Variants in MTSS1 observed in about 807,000 individuals in gnomAD.
MTSS1 encodes protein MTSS 1.
A neutral mutation model predicts 79.0 loss-of-function variants in MTSS1; 18 were observed. The ratio of observed to expected loss-of-function variants is 0.23; its 90% CI spans 0.16 to 0.34. MTSS1 has a LOEUF of 0.34. MTSS1 is among the 10% of genes least tolerant of loss of function. The pLI is 1.00. For synonymous variants in MTSS1, 341 were observed against 368.6 expected, an observed-to-expected ratio of 0.93 and a Z score of 0.86; for missense variants, 815 against 986.2, an observed-to-expected ratio of 0.83 and a Z score of 2.33.
chr8:124,634,428 G>A (rs1003545119), intron 3 of MTSS1, among the ~76,000 whole-genome samples: 15 of 152,026 alleles, frequency 9.9e-5, no homozygotes, highest in African/African-American at 1.9e-4. Flanking sequence ...GATTATGGGC[G>A]TGAGCTGCCC....
intron 2 of MTSS1, among the ~76,000 whole-genome samples, chr8:124,700,962 C>T (rs573553215): frequency 1.3e-5 from 2 of 152,306 alleles, no homozygotes; most frequent in East Asian, 3.9e-4. Flanking sequence ...GCTGTAGTGG[C>T]TCATCCTGTA....
chr8:124,632,774 T>G (rs1168792002), intron 3 of MTSS1, among the ~76,000 whole-genome samples: 1 of 152,230 alleles, frequency 6.6e-6, no homozygotes. Flanking sequence ...TTCAAGCGAT[T>G]CTTCTGCCTC....
chr8:124,557,703 G>T lies in MTSS1; in HGVS notation c.1208C>A (p.Ser403Ter), dbSNP rs1824227352. Residue 403 changes from serine to a stop codon, truncating the protein, a stop_gained, in exon 11 of 14, where the codon TCA becomes TAA. Coordinates refer to ENST00000518547, the MANE Select transcript of MTSS1 (RefSeq NM_014751.6). LOFTEE classifies it high-confidence loss of function. Reference sequence around the variant, plus strand: ...AACCTTCCAGCTAGGGATCTGAGATGACGGGAACATGCCGGGCCCAATGGT... The same window carrying T: ...AACCTTCCAGCTAGGGATCTGAGATTACGGGAACATGCCGGGCCCAATGGT... The part of the protein sequence containing the change: ...YYTIGPGMFP[S>*]SQIPSWKDWA... 1 of 1,586,778 alleles carries T rather than the reference G, an allele frequency of 6.3e-7. No homozygotes were observed. Among genetic ancestry groups the T allele is most frequent in the Non-Finnish European group, 8.6e-7 (1 of 1,166,362 alleles).
rs199611609 is a variant in MTSS1, at chr8:124,606,164, GTT to G, written c.209-14931_209-14930del. Among the ~76,000 whole-genome samples, 662 of 106,054 alleles carry G rather than the reference GTT, an allele frequency of 6.2e-3. 10 individuals are homozygous for G. Among genetic ancestry groups the G allele is most frequent in the African/African-American group, 0.028 (630 of 22,680 alleles). 69.6% of individuals were successfully genotyped at this position (106,054 alleles called of 152,430 possible). A position where few individuals can be genotyped will look rare whatever the true frequency, so the allele number is the denominator to read the frequency against. ...CTAATTTTTGTGTTTTCTGTGTTTG[GTT>G]TTTTGTTTTTTTTTTTTTTTTTTGA... is the stretch of plus-strand genomic sequence containing the variant. On this transcript the variant is annotated intron_variant, in intron 3 of 13. Coordinates refer to ENST00000518547, the MANE Select transcript of MTSS1 (RefSeq NM_014751.6).
intron 3 of MTSS1, chr8:124,619,470 T>C (rs1368932249): frequency 6.6e-6 from 1 of 152,410 alleles, no homozygotes; most frequent in Non-Finnish European, 1.5e-5. Flanking sequence ...TTGTCTCCTC[T>C]GCCAAGACTA....
At chr8:124,645,796 T>C (rs1818900559) in intron 3 of MTSS1, among the ~76,000 whole-genome samples, 2 of 152,192 alleles carry the variant, frequency 1.3e-5, no homozygotes, top group Admixed American at 6.5e-5. Flanking sequence ...TTAATGAAAG[T>C]ATTTGCCCAT....
intron 3 of MTSS1, among the ~76,000 whole-genome samples, chr8:124,617,363 A>T (rs572645306): frequency 4.6e-5 from 7 of 152,156 alleles, no homozygotes; most frequent in Non-Finnish European, 8.8e-5. Flanking sequence ...CCGCGAGCAG[A>T]CGTGGTGGCC....
intron 3 of MTSS1, among the ~76,000 whole-genome samples, chr8:124,630,957 T>C (rs1815811076): frequency 2.0e-5 from 3 of 152,198 alleles, no homozygotes; most frequent in Admixed American, 1.3e-4. Flanking sequence ...CCTACCAGCA[T>C]GTTCCTAAAT....
chr8:124,563,437 C>G (rs1276682364), intron 9 of MTSS1: 1 of 203,944 alleles, frequency 4.9e-6, no homozygotes, highest in African/African-American at 2.4e-5. Context: ...TTCAGCATGA[C>G]TGGAATGTTC....
intron 3 of MTSS1, among the ~76,000 whole-genome samples, chr8:124,639,680 T>C (rs1367989912): frequency 2.0e-5 from 3 of 152,176 alleles, no homozygotes; most frequent in Non-Finnish European, 4.4e-5. Flanking sequence ...CCCAGGCTGG[T>C]TTTGAACTCC....
intron 6 of MTSS1, among the ~76,000 whole-genome samples, chr8:124,579,077 T>G (rs1829544678): frequency 2.0e-5 from 3 of 152,206 alleles, no homozygotes; most frequent in Admixed American, 2.0e-4. Flanking sequence ...CTTTGAAAGA[T>G]AAGCAGAATC....
At chr8:124,723,745 T>C (rs1206148315) in intron 1 of MTSS1, among the ~76,000 whole-genome samples, 2 of 152,146 alleles carry the variant, frequency 1.3e-5, no homozygotes, top group Admixed American at 1.3e-4. Context: ...ATACAACCAT[T>C]TGCTAAGAGA....
intron 3 of MTSS1, among the ~76,000 whole-genome samples, chr8:124,653,289 C>G (rs1328453350): frequency 6.6e-6 from 1 of 152,176 alleles, no homozygotes; most frequent in Non-Finnish European, 1.5e-5. Context: ...AAAGTTATGC[C>G]TAAATGCAGT....
chr8:124,636,002 AAT>A (rs1816908876), intron 3 of MTSS1, among the ~76,000 whole-genome samples: 1 of 152,136 alleles, frequency 6.6e-6, no homozygotes, highest in Non-Finnish European at 1.5e-5. Context: ...CAGGAAAACC[AAT>A]ACATTCACAC....
At chr8:124,677,668 T>C (rs1342787711) in intron 3 of MTSS1, among the ~76,000 whole-genome samples, 2 of 152,206 alleles carry the variant, frequency 1.3e-5, no homozygotes, top group African/African-American at 4.8e-5. Flanking sequence ...TTTTAGGATA[T>C]GGTGTATCTG....
chr8:124,618,230 T>G (rs1563870765), intron 3 of MTSS1, among the ~76,000 whole-genome samples: 1 of 152,198 alleles, frequency 6.6e-6, no homozygotes, highest in Non-Finnish European at 1.5e-5. Context: ...TCTCTTAGGC[T>G]GCTGCTGCCC....
chr8:124,636,308 T>C (rs1816983979), intron 3 of MTSS1, among the ~76,000 whole-genome samples: 1 of 152,122 alleles, frequency 6.6e-6, no homozygotes, highest in Non-Finnish European at 1.5e-5. Flanking sequence ...TTTTTGTATT[T>C]TTAGTTGAGA....
intron 3 of MTSS1, among the ~76,000 whole-genome samples, chr8:124,627,674 G>A (rs894636899): frequency 1.4e-5 from 2 of 143,716 alleles, no homozygotes; most frequent in East Asian, 1.9e-4. Flanking sequence ...CAGGGGTGGC[G>A]GGGGGGTCCC....
intron 1 of MTSS1, among the ~76,000 whole-genome samples, chr8:124,719,502 T>C (rs1280106543): frequency 1.3e-5 from 2 of 152,164 alleles, no homozygotes; most frequent in Non-Finnish European, 2.9e-5. Flanking sequence ...CACTGAACTC[T>C]AATTACCTGC....
Sources: gnomAD v4.1 joint callset for allele counts (sites outside exome capture counted in the v4.1 genomes callset) on GRCh38, gnomAD v4.1.1 for gene constraint, MANE v1.5 for transcripts, NCBI Gene and HGNC (gene_info 2026-07-23, HGNC 2026-07-21) for gene names.